The following ZMYND11 variants were observed in gnomAD, a reference collection of about 807,000 sequenced individuals.
ZMYND11 encodes the protein zinc finger MYND domain-containing protein 11.
A neutral mutation model predicts 84.9 loss-of-function variants in ZMYND11; 9 were observed. That is an observed-to-expected ratio of 0.11 (90% CI 0.06 to 0.18). The LOEUF (loss-of-function observed/expected upper bound fraction) is 0.18, where lower values mean the gene tolerates loss of function less well. ZMYND11 is among the 10% of genes least tolerant of loss of function. The pLI, the probability that ZMYND11 is intolerant of heterozygous loss-of-function variation, is 1.00. For synonymous variants in ZMYND11, 250 were observed against 244.1 expected (o/e 1.02, Z -0.23); for missense variants, 409 against 761.0 (o/e 0.54, Z 5.44).
chr10:144,600 A>G (rs1156362587), intron 1 of ZMYND11, among the ~76,000 whole-genome samples: 2 of 147,006 alleles, frequency 1.4e-5, no homozygotes, highest in Admixed American at 6.7e-5. Flanking sequence ...GTAATTTAGC[A>G]TAGTGGTTCT....
intron 2 of ZMYND11, among the ~76,000 whole-genome samples, chr10:185,943 C>T (rs1482563129): frequency 6.6e-6 from 1 of 151,934 alleles, no homozygotes; most frequent in Non-Finnish European, 1.5e-5. Context: ...GGAGTGTTCT[C>T]CATGTTGTGT....
At chr10:216,341 T>C (rs1240704122) in intron 3 of ZMYND11, among the ~76,000 whole-genome samples, 1 of 152,218 alleles carries the variant, frequency 6.6e-6, no homozygotes, top group Non-Finnish European at 1.5e-5. Flanking sequence ...AAGTTTTAGG[T>C]CTTTGTCTTT....
chr10:169,637 C>G (rs1588616329), intron 1 of ZMYND11, among the ~76,000 whole-genome samples: 4 of 152,114 alleles, frequency 2.6e-5, no homozygotes, highest in Admixed American at 2.6e-4. Context: ...AAAACACTAA[C>G]AGACCGTAAA....
upstream of ZMYND11, among the ~76,000 whole-genome samples, chr10:133,375 A>C (rs1455877080): frequency 6.6e-6 from 1 of 152,190 alleles, no homozygotes; most frequent in East Asian, 1.9e-4. Flanking sequence ...TTAGTGGATA[A>C]ATACCACCTT....
At chr10:243,313 A>C (rs1239917334) in intron 10 of ZMYND11, among the ~76,000 whole-genome samples, 1 of 152,222 alleles carries the variant, frequency 6.6e-6, no homozygotes, top group Non-Finnish European at 1.5e-5. Flanking sequence ...ATATTCAAGG[A>C]ATAACGGGGG....
intron 1 of ZMYND11, among the ~76,000 whole-genome samples, chr10:145,166 A>G (rs1260237598): frequency 6.6e-6 from 1 of 150,790 alleles, no homozygotes; most frequent in Non-Finnish European, 1.5e-5. Flanking sequence ...ATGTGTGTGT[A>G]TATATATGTG....
At chr10:139,780 T>TG (rs1186243474) in intron 1 of ZMYND11, among the ~76,000 whole-genome samples, 1 of 149,892 alleles carries the variant, frequency 6.7e-6, no homozygotes, top group Non-Finnish European at 1.5e-5. Flanking sequence ...GGTGCCATCT[T>TG]GGCTCACTAC....
At chr10:189,927 G>C (rs1344349169) in intron 2 of ZMYND11, among the ~76,000 whole-genome samples, 3 of 152,072 alleles carry the variant, frequency 2.0e-5, no homozygotes, top group African/African-American at 7.2e-5. Context: ...GATGGGATTC[G>C]ACAAGGCAGA....
At chr10:208,110 C>CT (rs1944512538) in intron 2 of ZMYND11, among the ~76,000 whole-genome samples, 2 of 152,286 alleles carry the variant, frequency 1.3e-5, no homozygotes, top group African/African-American at 4.8e-5. Context: ...AAAGCTGAAA[C>CT]TGGATCCCTT....
intron 1 of ZMYND11, among the ~76,000 whole-genome samples, chr10:169,760 T>TG (rs1554765117): frequency 6.6e-6 from 1 of 151,950 alleles, no homozygotes; most frequent in Non-Finnish European, 1.5e-5. Flanking sequence ...GAGACAAGTC[T>TG]GGGGAAAAAA....
chr10:172,517 A>G lies in ZMYND11; in HGVS notation c.-19-7477A>G, dbSNP rs550315881. Among the ~76,000 whole-genome samples the G allele has an allele frequency of 6.0e-4, 91 of 152,304 alleles. 1 individual carries two copies. The Middle Eastern group carries it at 0.02, about 34-fold the overall frequency. ...TATCATTTACATTAGTACCCCCGAAATGAAATGCTTAGGTAGAAATCTAAT... is the reference window on the plus strand; with the variant it reads ...TATCATTTACATTAGTACCCCCGAAGTGAAATGCTTAGGTAGAAATCTAAT... On this transcript the variant is annotated intron_variant, in intron 1 of 14. Coordinates refer to ENST00000381604, the MANE Select transcript of ZMYND11 (RefSeq NM_001370100.5).
At chr10:237,545 C>T in intron 5 of ZMYND11, 40 bp from the exon 6 acceptor site, 1 of 1,335,690 alleles carries the variant, frequency 7.5e-7, no homozygotes, top group Non-Finnish European at 1.0e-6. Flanking sequence ...ACCTGCCTTC[C>T]TTTAACCACA....
At chr10:197,620 A>C (rs1418190224) in intron 2 of ZMYND11, among the ~76,000 whole-genome samples, 1 of 152,216 alleles carries the variant, frequency 6.6e-6, no homozygotes, top group African/African-American at 2.4e-5. Flanking sequence ...CCATAAAGCA[A>C]ATCAGTTGCC....
At chr10:170,448 G>A (rs1156410223) in intron 1 of ZMYND11, among the ~76,000 whole-genome samples, 3 of 137,488 alleles carry the variant, frequency 2.2e-5, no homozygotes, top group Non-Finnish European at 4.7e-5. Flanking sequence ...GTGTGTGTGT[G>A]TGTGTGTGCG....
At chr10:186,676 A>G (rs545883185) in intron 2 of ZMYND11, among the ~76,000 whole-genome samples, 2,161 of 127,226 alleles carry the variant, frequency 0.017, 74 homozygotes, top group African/African-American at 0.058. Context: ...AAAAAAAAAA[A>G]AAAGAAATCC....
chr10:225,681 T>C (rs983714923), intron 4 of ZMYND11, among the ~76,000 whole-genome samples: 16 of 152,178 alleles, frequency 1.1e-4, no homozygotes, highest in African/African-American at 3.9e-4. Flanking sequence ...TTCATATATA[T>C]AGTTCCCAAA....
At chr10:241,963 T>C in intron 9 of ZMYND11, 58 bp from the exon 10 acceptor site, 1 of 1,570,636 alleles carries the variant, frequency 6.4e-7, no homozygotes, top group Non-Finnish European at 8.7e-7. Flanking sequence ...ATATTAATGG[T>C]ACACTTGCAT....
chr10:239,573 A>T, intron 7 of ZMYND11, 48 bp downstream of exon 7: 1 of 1,262,102 alleles, frequency 7.9e-7, no homozygotes. Flanking sequence ...CACACCATTT[A>T]CATTCCATGT....
intron 2 of ZMYND11, among the ~76,000 whole-genome samples, chr10:209,598 C>T (rs781702131): frequency 1.1e-4 from 16 of 152,294 alleles, no homozygotes; most frequent in Non-Finnish European, 2.2e-4. Context: ...ACTACAGTCT[C>T]TTAAGTGATT....
Sources: gnomAD v4.1 joint callset for allele counts (sites outside exome capture counted in the v4.1 genomes callset) on GRCh38, gnomAD v4.1.1 for gene constraint, MANE v1.5 for transcripts, NCBI Gene and HGNC (gene_info 2026-07-23, HGNC 2026-07-21) for gene names.